CLSPN: variants seen among roughly 807,000 people sequenced by gnomAD.
CLSPN encodes the protein claspin.
A neutral mutation model predicts 156.3 loss-of-function variants in CLSPN; 85 were observed. That is an observed-to-expected ratio of 0.54 (90% CI 0.46 to 0.65). The LOEUF (loss-of-function observed/expected upper bound fraction) is 0.65, where lower values mean the gene tolerates loss of function less well. Among genes scored for constraint, CLSPN ranks in the 30% least tolerant of loss-of-function variants. The pLI, the probability that CLSPN is intolerant of heterozygous loss-of-function variation, is 0.00. For synonymous variants in CLSPN, 534 were observed against 542.4 expected (o/e 0.98, Z 0.22); for missense variants, 1,407 against 1,554.9 (o/e 0.90, Z 1.60).
intron 12 of CLSPN, 74 bp downstream of exon 12, chr1:35,749,393 C>T (rs1642004693): frequency 5.9e-6 from 8 of 1,354,144 alleles, no homozygotes; most frequent in African/African-American, 1.4e-5. Context: ...GGAAACTTAC[C>T]GTACTGCAGT....
chr1:35,768,097 T>C (rs758558573), intron 1 of CLSPN, among the ~76,000 whole-genome samples: 2 of 152,138 alleles, frequency 1.3e-5, no homozygotes, highest in African/African-American at 2.4e-5. Flanking sequence ...TGGTCAGGCA[T>C]GGTGGCTCAC....
chr1:35,762,187 A>C, intron 5 of CLSPN, 117 bp from the exon 6 acceptor site: 2 of 854,762 alleles, frequency 2.3e-6, no homozygotes, highest in African/African-American at 3.4e-5. Flanking sequence ...AGTAAGCATG[A>C]GTAAGCCCAA....
In CLSPN at chr1:35,769,921, C is replaced by A; in HGVS notation, c.-51G>T. The A allele has an allele frequency of 6.2e-7, 1 of 1,600,008 alleles. No homozygotes were observed. On this transcript the variant is annotated 5_prime_UTR_variant, in exon 1 of 25. The change creates a new upstream start codon in the 5' untranslated region. Transcript: ENST00000318121. ...TAGGGACGGAGCTGTCTCTGATTCCCTCAGCCGGAGAGCAGCGGCTCCCGC... is the reference window on the plus strand; with the variant it reads ...TAGGGACGGAGCTGTCTCTGATTCCATCAGCCGGAGAGCAGCGGCTCCCGC...
At chr1:35,721,590 G>A (rs2148604940) in intron 24 of CLSPN, among the ~76,000 whole-genome samples, 1 of 152,080 alleles carries the variant, frequency 6.6e-6, no homozygotes, top group East Asian at 1.9e-4. Flanking sequence ...GTTTCACCAT[G>A]TTGGTCAGGC....
At chr1:35,724,727 G>C (rs1342011488) in intron 24 of CLSPN, among the ~76,000 whole-genome samples, 1 of 152,142 alleles carries the variant, frequency 6.6e-6, no homozygotes, top group Non-Finnish European at 1.5e-5. Context: ...CCCAAGACCA[G>C]GCACAACCCC....
At chr1:35,749,425 G>A (rs1252261819) in intron 12 of CLSPN, 42 bp downstream of exon 12, 2 of 1,590,898 alleles carry the variant, frequency 1.3e-6, no homozygotes, top group Non-Finnish European at 1.7e-6. Flanking sequence ...AAAGCTGAGG[G>A]ACAAAAGAAA....
intron 20 of CLSPN, 23 bp downstream of exon 20, chr1:35,739,113 T>C (rs752658777): frequency 6.2e-7 from 1 of 1,614,092 alleles, no homozygotes. Context: ...ACTGATTGCT[T>C]TTAAAGACAA....
intron 14 of CLSPN, 89 bp downstream of exon 14, chr1:35,747,818 A>T: frequency 8.0e-7 from 1 of 1,247,194 alleles, no homozygotes; most frequent in Non-Finnish European, 1.1e-6. Flanking sequence ...GAGAAAGCAC[A>T]GATGGAGTGA....
chr1:35,760,741 C>G lies in CLSPN; in HGVS notation c.1180G>C (p.Asp394His). Residue 394 changes from aspartate (D) to histidine (H), a missense_variant, in exon 8 of 25, where the codon GAT becomes CAT. Asp to His is a moderately conservative substitution (Grantham distance 81). Around this residue, in one of 3 missense-constraint regions of CLSPN, gnomAD observed 1,096 missense variants for 1,193.0 expected, o/e 0.92. Transcript: ENST00000318121. ...ACCAAATCCTTCCTGCAAGACTCATCTGATCCAGTAATGATCTGGGTTTCC... is the reference window on the plus strand; with the variant it reads ...ACCAAATCCTTCCTGCAAGACTCATGTGATCCAGTAATGATCTGGGTTTCC... ...SKETQIITGS[D>H]ESCRKDLVKN... The G allele has an allele frequency of 6.2e-7, 1 of 1,614,054 alleles. No individual in the cohort carries two copies. Among genetic ancestry groups the G allele is most frequent in the Non-Finnish European group, 8.5e-7 (1 of 1,180,046 alleles).
At position 35,736,938 on chromosome 1, in the gene CLSPN, C is replaced by T. The variant is rs200367945; in HGVS notation, c.3885G>A (p.Ala1295=). The stretch of plus-strand genomic sequence containing the variant: ...CCTGAGACTTAGACGATTCCTTTGC[C>T]GCCTCAGCCTTGACAGGAGAAAGTG... ...FHTLSPVKAE[A]AKESSKSQVK... Residue 1295 remains alanine (A), a synonymous_variant, in exon 24 of 25, where the codon GCG becomes GCA. Coordinates refer to ENST00000318121, the MANE Select transcript of CLSPN (RefSeq NM_022111.4). 1.3e-4 allele frequency: 210 copies of T among 1,613,912 alleles called. No homozygotes were observed. The highest frequency in any genetic ancestry group is 1.7e-4 in the Non-Finnish European group (201 of 1,179,996).
intron 14 of CLSPN, 104 bp downstream of exon 14, chr1:35,747,803 C>A (rs1047096630): frequency 1.1e-5 from 12 of 1,134,610 alleles, no homozygotes; most frequent in Non-Finnish European, 1.5e-5. Context: ...TTCTCTTTCT[C>A]AGAAGAGAAA....
At position 35,760,830 on chromosome 1, in the gene CLSPN, C is replaced by A; in HGVS notation, c.1091G>T (p.Gly364Val). 2 of 1,613,912 alleles carry A rather than the reference C, an allele frequency of 1.2e-6. No individual in the cohort carries two copies. The highest frequency in any genetic ancestry group is 1.1e-5 in the South Asian group (1 of 91,076). ...TTCTGCACCTGTTGTCTGCTCAGAA[C>A]CTTTACTATGGTGATCACTGTTCAT... ...TEMNSDHHSK[G>V]SEQTTGAENE... is the part of the protein sequence containing the mutation. Residue 364 changes from glycine to valine, a missense_variant, in exon 8 of 25, where the codon GGT (glycine) becomes GTT (valine). By Grantham distance (109) the Gly-to-Val change is moderately radical. Coordinates refer to ENST00000318121, the MANE Select transcript of CLSPN (RefSeq NM_022111.4).
chr1:35,758,941 C>G (rs775114620), intron 8 of CLSPN, among the ~76,000 whole-genome samples: 9 of 151,626 alleles, frequency 5.9e-5, no homozygotes, highest in Non-Finnish European at 1.2e-4. Flanking sequence ...GCTTTCTTCT[C>G]TTTTTTAAAC....
rs531543278 is a variant in CLSPN at position 35,734,356 on chromosome 1, G to A, written c.*2140C>T. ...TTACAAGTATACAAACATAAGTATTGTCAAAGTCAACATCTTGAGTATTAG... is the reference window on the plus strand; with the variant it reads ...TTACAAGTATACAAACATAAGTATTATCAAAGTCAACATCTTGAGTATTAG... On this transcript the variant is annotated 3_prime_UTR_variant, in exon 25 of 25. Transcript: ENST00000318121. The A allele has an allele frequency of 4.4e-5, 43 of 985,268 alleles. No individual in the cohort carries two copies. In the South Asian group the frequency reaches 1.7e-3, roughly 40 times the overall value. The allele number at this position is 985,268 out of a possible 1,614,324, so 61.0% of individuals were successfully genotyped here.
chr1:35,760,270 C>T (rs1330262849), intron 8 of CLSPN, 72 bp downstream of exon 8: 6 of 1,221,830 alleles, frequency 4.9e-6, no homozygotes, highest in African/African-American at 3.1e-5. Context: ...TCTCTGTCCT[C>T]GACAGTAGTC....
At chr1:35,769,392 C>T (rs1642783474) in intron 1 of CLSPN, among the ~76,000 whole-genome samples, 1 of 152,198 alleles carries the variant, frequency 6.6e-6, no homozygotes, top group South Asian at 2.1e-4. Flanking sequence ...CTCCAGGGCC[C>T]CTCCCAGGCC....
At chr1:35,751,910 A>G (rs759992876) in intron 9 of CLSPN, among the ~76,000 whole-genome samples, 2 of 152,228 alleles carry the variant, frequency 1.3e-5, no homozygotes, top group Non-Finnish European at 2.9e-5. Flanking sequence ...TAATAAATTA[A>G]AAGTAATGCT....
At chr1:35,749,240 A>G (rs1642000556) in intron 12 of CLSPN, among the ~76,000 whole-genome samples, 1 of 152,168 alleles carries the variant, frequency 6.6e-6, no homozygotes, top group South Asian at 2.1e-4. Context: ...TGCTCACTCA[A>G]TCAACACACA....
chr1:35,744,250 A>G (rs1405847480), intron 16 of CLSPN, among the ~76,000 whole-genome samples: 1 of 152,162 alleles, frequency 6.6e-6, no homozygotes, highest in Non-Finnish European at 1.5e-5. Flanking sequence ...TCTTTTGGTG[A>G]CTGGCTTATT....
Sources: gnomAD v4.1 joint callset for allele counts (sites outside exome capture counted in the v4.1 genomes callset) on GRCh38, gnomAD v4.1.1 for gene constraint, gnomAD v4.1.1 regional missense constraint, MANE v1.5 for transcripts, NCBI Gene and HGNC (gene_info 2026-07-23, HGNC 2026-07-21) for gene names.